Variants in FHIT observed in about 807,000 individuals in gnomAD.
FHIT encodes the protein bis(5'-adenosyl)-triphosphatase.
A neutral mutation model predicts 17.9 loss-of-function variants in FHIT; 19 were observed. The observed-to-expected ratio is 1.06, with a 90% CI of 0.74 to 1.56. The LOEUF (loss-of-function observed/expected upper bound fraction) is 1.56. FHIT is among the 40% of genes most tolerant of loss of function. FHIT has a pLI of 0.00. For missense variants in FHIT, 248 were observed against 189.2 expected (o/e 1.31, Z -1.82); for synonymous variants, 81 against 69.7 (o/e 1.16, Z -0.81).
At chr3:60,089,502 C>T (rs746788679) in intron 5 of FHIT, among the ~76,000 whole-genome samples, 18 of 151,958 alleles carry the variant, frequency 1.2e-4, no homozygotes, top group Non-Finnish European at 1.9e-4. Flanking sequence ...GATAAATGGA[C>T]GGAAAGAGGC....
intron 3 of FHIT, among the ~76,000 whole-genome samples, chr3:61,005,994 G>C (rs1397249792): frequency 6.6e-6 from 1 of 152,092 alleles, no homozygotes; most frequent in Non-Finnish European, 1.5e-5. Context: ...GAGCAGGCAA[G>C]GGAAGGCAGC....
chr3:60,720,191 C>G (rs782616333), intron 4 of FHIT, among the ~76,000 whole-genome samples: 13 of 152,092 alleles, frequency 8.5e-5, no homozygotes, highest in Non-Finnish European at 2.9e-5. Flanking sequence ...CTTCCCGATA[C>G]AGAATATTTG....
At chr3:61,177,571 T>C (rs2038198231) in intron 2 of FHIT, among the ~76,000 whole-genome samples, 1 of 152,222 alleles carries the variant, frequency 6.6e-6, no homozygotes, top group Non-Finnish European at 1.5e-5. Context: ...TTTGGCTCTC[T>C]GACATTTCTC....
intron 5 of FHIT, among the ~76,000 whole-genome samples, chr3:60,421,170 C>G (rs1380865593): frequency 1.3e-5 from 2 of 151,986 alleles, no homozygotes; most frequent in East Asian, 3.9e-4. Context: ...TTTCTACTGC[C>G]TCTATCCATC....
At chr3:60,227,621 C>G (rs1704279020) in intron 5 of FHIT, among the ~76,000 whole-genome samples, 1 of 152,150 alleles carries the variant, frequency 6.6e-6, no homozygotes, top group Non-Finnish European at 1.5e-5. Flanking sequence ...TAATCTATAC[C>G]ACATTTACCT....
intron 3 of FHIT, among the ~76,000 whole-genome samples, chr3:60,961,243 G>T (rs981786081): frequency 3.9e-5 from 6 of 152,144 alleles, no homozygotes; most frequent in Admixed American, 2.6e-4. Flanking sequence ...TTTGAGAAGT[G>T]TCTGTTCATA....
At chr3:60,369,263 C>T (rs1700229404) in intron 5 of FHIT, among the ~76,000 whole-genome samples, 1 of 152,156 alleles carries the variant, frequency 6.6e-6, no homozygotes, top group African/African-American at 2.4e-5. Flanking sequence ...TGAGCCACCA[C>T]ACCCAGCCAT....
intron 5 of FHIT, among the ~76,000 whole-genome samples, chr3:60,176,603 T>A (rs1332863884): frequency 1.3e-5 from 2 of 151,602 alleles, no homozygotes; most frequent in African/African-American, 4.9e-5. Context: ...GTAGGTGGGG[T>A]AGAGATGGAA....
chr3:60,112,105 T>C (rs1003407119), intron 5 of FHIT, among the ~76,000 whole-genome samples: 1 of 152,236 alleles, frequency 6.6e-6, no homozygotes, highest in Non-Finnish European at 1.5e-5. Flanking sequence ...AAAGCATCAA[T>C]GTGTCAGTTG....
chr3:60,661,188 C>A (rs1263522555), intron 4 of FHIT, among the ~76,000 whole-genome samples: 1 of 152,052 alleles, frequency 6.6e-6, no homozygotes, highest in Non-Finnish European at 1.5e-5. Context: ...AATTTGTCGT[C>A]TCTCATCCTT....
intron 3 of FHIT, among the ~76,000 whole-genome samples, chr3:61,033,198 G>C (rs768408912): frequency 4.6e-5 from 7 of 152,166 alleles, no homozygotes; most frequent in Non-Finnish European, 8.8e-5. Flanking sequence ...CAGTCAAGTT[G>C]ACACAAAATT....
chr3:60,120,039 G>A (rs138835181), intron 5 of FHIT, among the ~76,000 whole-genome samples: 4 of 152,192 alleles, frequency 2.6e-5, no homozygotes, highest in Non-Finnish European at 4.4e-5. Flanking sequence ...TGAAGCTTAC[G>A]GCACTGTTAC....
chr3:61,133,020 G>T (rs961356753), intron 2 of FHIT, among the ~76,000 whole-genome samples: 2 of 152,112 alleles, frequency 1.3e-5, no homozygotes, highest in African/African-American at 4.8e-5. Context: ...AATGGTAGTT[G>T]GCGACTATAG....
intron 7 of FHIT, among the ~76,000 whole-genome samples, chr3:59,975,894 T>A (rs1708387434): frequency 6.6e-6 from 1 of 152,102 alleles, no homozygotes; most frequent in Non-Finnish European, 1.5e-5. Context: ...TCTGATTATC[T>A]GGCTCCACTT....
At chr3:59,908,192 C>G (rs1704675363) in intron 8 of FHIT, among the ~76,000 whole-genome samples, 2 of 152,232 alleles carry the variant, frequency 1.3e-5, no homozygotes, top group South Asian at 4.1e-4. Flanking sequence ...CAAGCCATCC[C>G]TTTGAATTTG....
chr3:60,637,010 C>T (rs1553684058), intron 4 of FHIT, among the ~76,000 whole-genome samples: 1 of 152,092 alleles, frequency 6.6e-6, no homozygotes, highest in Non-Finnish European at 1.5e-5. Flanking sequence ...GGTGGATCTC[C>T]TTGGGAAACA....
intron 4 of FHIT, among the ~76,000 whole-genome samples, chr3:60,680,010 G>A (rs1349200639): frequency 6.6e-6 from 1 of 151,962 alleles, no homozygotes; most frequent in East Asian, 1.9e-4. Context: ...TTAGCTATTG[G>A]TGAACATGTA....
At chr3:60,036,777 G>T (rs1331047710) in intron 5 of FHIT, among the ~76,000 whole-genome samples, 1 of 152,080 alleles carries the variant, frequency 6.6e-6, no homozygotes, top group African/African-American at 2.4e-5. Flanking sequence ...TTGTTTGTTT[G>T]TTTGTTTGTT....
chr3:60,141,925 T>C (rs373126540), intron 5 of FHIT, among the ~76,000 whole-genome samples: 2 of 152,302 alleles, frequency 1.3e-5, no homozygotes, highest in East Asian at 3.9e-4. Flanking sequence ...ACTGTAGTGA[T>C]TGGAACGCCA....
Sources: allele counts gnomAD v4.1 joint callset (sites outside exome capture counted in the v4.1 genomes callset), GRCh38; gene constraint gnomAD v4.1.1; transcripts MANE v1.5; gene names NCBI Gene and HGNC (gene_info 2026-07-23, HGNC 2026-07-21).